MFSD6: variants seen among roughly 807,000 people sequenced by gnomAD.
MFSD6 encodes major facilitator superfamily domain-containing protein 6.
In MFSD6, 26 loss-of-function variants were observed where a neutral mutation model predicts 56.3. The observed-to-expected ratio is 0.46, with a 90% CI of 0.34 to 0.64. MFSD6 has a LOEUF of 0.64. Ranked by LOEUF, MFSD6 falls within the 30% of genes least tolerant of loss-of-function variation. The pLI is 0.01. For missense variants in MFSD6, 750 were observed against 986.2 expected (o/e 0.76, Z 3.21); for synonymous variants, 331 against 366.9 (o/e 0.90, Z 1.12).
Position 190,434,425 on chromosome 2 carries a change from ATTTATTTTAT to A in MFSD6, c.-53-1544_-53-1535del, listed in dbSNP as rs1451932414. Among the ~76,000 whole-genome samples, 1 of 152,014 alleles carries A rather than the reference ATTTATTTTAT, an allele frequency of 6.6e-6. No individual in the cohort carries two copies. Among genetic ancestry groups the A allele is most frequent in the African/African-American group, 2.4e-5 (1 of 41,402 alleles). On this transcript the variant is annotated intron_variant, in intron 2 of 7. Transcript: ENST00000392328. The surrounding 1 kb of genome is among the most constrained non-coding windows in gnomAD (Gnocchi z 4.3). ...CTAATATCGTATATGAAAAACATTT[ATTTATTTTAT>A]TTTATTTATTTATTTTTTTGAGACG...
chr2:190,444,017 T>C (rs906230587), intron 3 of MFSD6, among the ~76,000 whole-genome samples: 1 of 152,130 alleles, frequency 6.6e-6, no homozygotes, highest in Admixed American at 6.5e-5. Context: ...ATCACACCAC[T>C]GCACTCCAGC....
rs1687376865 is a variant in MFSD6, at chr2:190,462,435, G to A, written c.1533-7323G>A. Among the ~76,000 whole-genome samples, 2 of 152,176 alleles carry A rather than the reference G, an allele frequency of 1.3e-5. No homozygotes were observed. Among genetic ancestry groups the A allele is most frequent in the Non-Finnish European group, 1.5e-5 (1 of 68,034 alleles). ...TTGTTGAGAAATACTGTTTTCATGA[G>A]AGTAATGCTTCCTTTTGCCCTCATA... On this transcript the variant is annotated intron_variant, in intron 3 of 7. Transcript: ENST00000392328. This position sits in a 1 kb window ranked among gnomAD's most constrained non-coding sequence, Gnocchi z 5.7.
intron 3 of MFSD6, among the ~76,000 whole-genome samples, chr2:190,460,276 A>T (rs776410102): frequency 1.1e-4 from 16 of 152,242 alleles, no homozygotes; most frequent in Non-Finnish European, 2.2e-4. Flanking sequence ...TGTTAGTCAA[A>T]AATGTTGCAG....
At position 190,443,871 on chromosome 2, in the gene MFSD6, A is replaced by C. The variant is rs966736091; in HGVS notation, c.1532+6310A>C. Reference sequence around the variant, plus strand: ...GGAGTTCGAGATCAGCCTGGGCAACATGGTGAGACCTTGTCTCTACAAAAA... The same window carrying C: ...GGAGTTCGAGATCAGCCTGGGCAACCTGGTGAGACCTTGTCTCTACAAAAA... On this transcript the variant is annotated intron_variant, in intron 3 of 7. Transcript: ENST00000392328. The surrounding 1 kb of genome is among the most constrained non-coding windows in gnomAD (Gnocchi z 4.2). 3.3e-5 allele frequency among the ~76,000 whole-genome samples: 5 copies of C among 152,186 alleles called. No individual in the cohort carries two copies. Among genetic ancestry groups the C allele is most frequent in the African/African-American group, 1.2e-4 (5 of 41,444 alleles).
At chr2:190,430,456 C>T (rs561433665) in intron 2 of MFSD6, among the ~76,000 whole-genome samples, 55 of 151,532 alleles carry the variant, frequency 3.6e-4, no homozygotes, top group African/African-American at 1.3e-3. Flanking sequence ...GCACATCTTG[C>T]ACCGCCCTTA....
chr2:190,458,920 G>C lies in MFSD6; in HGVS notation c.1533-10838G>C, dbSNP rs1687179656. 6.6e-6 allele frequency among the ~76,000 whole-genome samples: 1 copy of C among 152,160 alleles called. No individual in the cohort carries two copies. The highest frequency in any genetic ancestry group is 2.4e-5 in the African/African-American group (1 of 41,428). On this transcript the variant is annotated intron_variant, in intron 3 of 7. Transcript: ENST00000392328. This position sits in a 1 kb window ranked among gnomAD's most constrained non-coding sequence, Gnocchi z 5.3. ...AGGTCCCAGGCAGCTCTAGGATCAAGTTCAGCTGAGAACAGAGAATCATGC... is the reference window on the plus strand; with the variant it reads ...AGGTCCCAGGCAGCTCTAGGATCAACTTCAGCTGAGAACAGAGAATCATGC...
rs1690744199 is a variant in MFSD6, at chr2:190,415,630, A to G, written c.-54+217A>G. On this transcript the variant is annotated intron_variant, in intron 2 of 7. Coordinates refer to ENST00000392328, the MANE Select transcript of MFSD6 (RefSeq NM_017694.4). This position sits in a 1 kb window ranked among gnomAD's most constrained non-coding sequence, Gnocchi z 4.5. ...TTCTGAAACTAATTATATCATTAGA[A>G]TTGATAGCTTATGGTAATTCTCAAG... 6.6e-6 allele frequency among the ~76,000 whole-genome samples: 1 copy of G among 152,206 alleles called. No homozygotes were observed. Among genetic ancestry groups the G allele is most frequent in the South Asian group, 2.1e-4 (1 of 4,824 alleles).
intron 3 of MFSD6, among the ~76,000 whole-genome samples, chr2:190,445,154 G>A (rs1304715527): frequency 6.6e-6 from 1 of 152,122 alleles, no homozygotes; most frequent in African/African-American, 2.4e-5. Flanking sequence ...CTGAGTCTCA[G>A]TTTTATTCAT....
intron 3 of MFSD6, among the ~76,000 whole-genome samples, chr2:190,449,692 T>C (rs1686705996): frequency 1.3e-5 from 2 of 152,044 alleles, no homozygotes; most frequent in South Asian, 4.2e-4. Context: ...CCATAAAAAA[T>C]GATGAGTTCA....
Position 190,469,769 on chromosome 2 carries a change from T to G in MFSD6, c.1544T>G (p.Ile515Ser). Residue 515 changes from isoleucine to serine, a missense_variant, in exon 4 of 8, where the codon ATT becomes AGT. Transcript: ENST00000392328. The surrounding 1 kb of genome is among the most constrained non-coding windows in gnomAD (Gnocchi z 5.3). ...TTATTTTTTTTTAGGGTTCTGTACA[T>G]TGGCCTGGCCTGCAATACGGCTCGC... ...ELIGHIRVLY[I>S]GLACNTARYI... 1 of 1,585,552 alleles carries G rather than the reference T, an allele frequency of 6.3e-7. No individual in the cohort carries two copies. Among genetic ancestry groups the G allele is most frequent in the Non-Finnish European group, 8.6e-7 (1 of 1,163,354 alleles).
chr2:190,478,058 C>G (rs186595092), intron 4 of MFSD6, among the ~76,000 whole-genome samples: 1 of 152,174 alleles, frequency 6.6e-6, no homozygotes, highest in Non-Finnish European at 1.5e-5. Flanking sequence ...AAGCTGCCAA[C>G]CCAGGACATG....
At chr2:190,477,837 G>A (rs1688427441) in intron 4 of MFSD6, among the ~76,000 whole-genome samples, 1 of 152,094 alleles carries the variant, frequency 6.6e-6, no homozygotes, top group South Asian at 2.1e-4. Flanking sequence ...GCAGGGAGTG[G>A]GAGGATGAAG....
Position 190,489,867 on chromosome 2 carries a change from G to GT in MFSD6, c.1891+2dup. 6.2e-7 allele frequency: 1 copy of GT among 1,613,006 alleles called. No homozygotes were observed. Among genetic ancestry groups the GT allele is most frequent in the Non-Finnish European group, 8.5e-7 (1 of 1,179,238 alleles). On this transcript the variant is annotated splice_donor_variant, in intron 6 of 7. Coordinates refer to ENST00000392328, the MANE Select transcript of MFSD6 (RefSeq NM_017694.4). LOFTEE classifies it high-confidence loss of function. The surrounding 1 kb of genome is among the most constrained non-coding windows in gnomAD (Gnocchi z 6.6). Reference sequence around the variant, plus strand: ...CTGGCAGTGCCAGATGAGGAAGAAGGTAATTATTTCCATTCTTTCTTAATA... The same window carrying GT: ...CTGGCAGTGCCAGATGAGGAAGAAGGTTAATTATTTCCATTCTTTCTTAATA...
In MFSD6 at chr2:190,494,507, G is replaced by T. The variant is rs935170405; in HGVS notation, c.1892-2932G>T. On this transcript the variant is annotated intron_variant, in intron 6 of 7. Coordinates refer to ENST00000392328, the MANE Select transcript of MFSD6 (RefSeq NM_017694.4). This position sits in a 1 kb window ranked among gnomAD's most constrained non-coding sequence, Gnocchi z 5.7. ...CTCCCTAAAACATTCTATGAAGCCA[G>T]TATCACCCTAATAACAAAACCAGGA... is the stretch of plus-strand genomic sequence containing the variant. Among the ~76,000 whole-genome samples, 12 of 152,146 alleles carry T rather than the reference G, an allele frequency of 7.9e-5. No individual in the cohort carries two copies. The highest frequency in any genetic ancestry group is 2.7e-4 in the African/African-American group (11 of 41,440).
At chr2:190,420,038 C>T (rs917434166) in intron 2 of MFSD6, among the ~76,000 whole-genome samples, 1 of 140,016 alleles carries the variant, frequency 7.1e-6, no homozygotes, top group Admixed American at 8.0e-5. Context: ...TTTGAAATGT[C>T]TTCTTAACTC....
At chr2:190,448,942 G>A (rs935262276) in intron 3 of MFSD6, among the ~76,000 whole-genome samples, 1 of 152,160 alleles carries the variant, frequency 6.6e-6, no homozygotes, top group African/African-American at 2.4e-5. Context: ...CCAAATGTGT[G>A]TATGTGTATA....
rs534388784 is a variant in MFSD6, at chr2:190,422,584, T to C, written c.-54+7171T>C. 6.6e-5 allele frequency among the ~76,000 whole-genome samples: 10 copies of C among 152,282 alleles called. No individual in the cohort carries two copies. In the East Asian group the frequency reaches 1.9e-3, roughly 29 times the overall value. ...TTGAGATATCTGAAGCCATTCTCAT[T>C]CCTGATGCTTATTATGTGAAATATT... On this transcript the variant is annotated intron_variant, in intron 2 of 7. Coordinates refer to ENST00000392328, the MANE Select transcript of MFSD6 (RefSeq NM_017694.4).
chr2:190,409,991 A>G (rs919498112), intron 1 of MFSD6, among the ~76,000 whole-genome samples: 4 of 152,216 alleles, frequency 2.6e-5, no homozygotes, highest in Non-Finnish European at 5.9e-5. Context: ...ATAATGCATT[A>G]AAGCTACTAA....
chr2:190,447,653 A>G lies in MFSD6; in HGVS notation c.1532+10092A>G, dbSNP rs1686633445. ...TATGAAAATTATAATTGCAGCTATT[A>G]TTTATATGTGGGTAGATTTCTATTT... On this transcript the variant is annotated intron_variant, in intron 3 of 7. Transcript: ENST00000392328. The surrounding 1 kb of genome is among the most constrained non-coding windows in gnomAD (Gnocchi z 4.5). 6.6e-6 allele frequency among the ~76,000 whole-genome samples: 1 copy of G among 152,206 alleles called. No homozygotes were observed. The highest frequency in any genetic ancestry group is 2.1e-4 in the South Asian group (1 of 4,826).
Sources: gnomAD v4.1 joint callset for allele counts (sites outside exome capture counted in the v4.1 genomes callset) on GRCh38, gnomAD v4.1.1 for gene constraint, Gnocchi (gnomAD v3.1) non-coding constraint, MANE v1.5 for transcripts, NCBI Gene and HGNC (gene_info 2026-07-23, HGNC 2026-07-21) for gene names.